The following LRRTM3 variants were observed in gnomAD, a reference collection of about 807,000 sequenced individuals.
LRRTM3 encodes the protein leucine-rich repeat transmembrane neuronal protein 3.
Under a neutral mutation model 44.7 loss-of-function variants are expected in LRRTM3, and 24 were observed. That is an observed-to-expected ratio of 0.54 (90% CI 0.39 to 0.76). The LOEUF is 0.76. Among genes scored for constraint, LRRTM3 ranks in the 30% least tolerant of loss-of-function variants. The probability of loss-of-function intolerance (pLI) is 0.00; values close to 1 mark genes in which losing one functional copy is unlikely to be tolerated. For synonymous variants in LRRTM3, 277 were observed against 278.7 expected (o/e 0.99, Z 0.06); for missense variants, 587 against 702.2 (o/e 0.84, Z 1.85).
intron 2 of LRRTM3, among the ~76,000 whole-genome samples, chr10:67,036,094 AC>A (rs1417231102): frequency 2.0e-5 from 3 of 152,150 alleles, no homozygotes; most frequent in Non-Finnish European, 4.4e-5. Context: ...GAGATATTAG[AC>A]CTTAGTAGAG....
At chr10:66,985,778 A>G (rs11597951) in intron 2 of LRRTM3, among the ~76,000 whole-genome samples, 2,109 of 152,248 alleles carry the variant, frequency 0.014, 20 homozygotes, top group Middle Eastern at 0.027. Context: ...ACCATGCTGG[A>G]GTGCAGTACC....
intron 2 of LRRTM3, among the ~76,000 whole-genome samples, chr10:67,030,671 T>C (rs564633100): frequency 9.2e-5 from 14 of 152,242 alleles, no homozygotes; most frequent in Admixed American, 9.2e-4. Flanking sequence ...TCCATAGAGA[T>C]AATGAAGCTG....
intron 2 of LRRTM3, among the ~76,000 whole-genome samples, chr10:67,076,289 G>A (rs1323014382): frequency 6.6e-6 from 1 of 152,184 alleles, no homozygotes. Context: ...AGGCTAAAAT[G>A]AACTTCAGAG....
At chr10:67,020,826 G>A (rs1439200780) in intron 2 of LRRTM3, among the ~76,000 whole-genome samples, 3 of 152,170 alleles carry the variant, frequency 2.0e-5, no homozygotes, top group Non-Finnish European at 2.9e-5. Context: ...TAGTAGGGTT[G>A]GAACAGAGGG....
intron 2 of LRRTM3, among the ~76,000 whole-genome samples, chr10:67,046,891 C>T (rs1035326429): frequency 6.6e-6 from 1 of 152,128 alleles, no homozygotes; most frequent in African/African-American, 2.4e-5. Context: ...TGGGCACTGC[C>T]TTCCTTTTAC....
intron 2 of LRRTM3, among the ~76,000 whole-genome samples, chr10:67,055,376 A>T (rs1395191344): frequency 3.9e-5 from 6 of 152,216 alleles, no homozygotes; most frequent in Non-Finnish European, 7.3e-5. Flanking sequence ...GTCAAACTAT[A>T]GACACAGAAA....
At chr10:67,026,023 C>G (rs542115601) in intron 2 of LRRTM3, among the ~76,000 whole-genome samples, 1 of 150,842 alleles carries the variant, frequency 6.6e-6, no homozygotes, top group East Asian at 2.0e-4. Context: ...AAACCAAACA[C>G]CGCATGTTCT....
At chr10:66,938,273 T>A (rs1847822510) in intron 2 of LRRTM3, among the ~76,000 whole-genome samples, 2 of 151,978 alleles carry the variant, frequency 1.3e-5, no homozygotes, top group Non-Finnish European at 2.9e-5. Context: ...AATGTGAGGG[T>A]CAAGAGAACA....
At chr10:66,972,929 A>C (rs1312457027) in intron 2 of LRRTM3, among the ~76,000 whole-genome samples, 1 of 152,022 alleles carries the variant, frequency 6.6e-6, no homozygotes, top group Non-Finnish European at 1.5e-5. Flanking sequence ...CAAGTTTCAT[A>C]GATTAAAAAG....
At chr10:67,008,316 A>G (rs1437121112) in intron 2 of LRRTM3, among the ~76,000 whole-genome samples, 2 of 152,130 alleles carry the variant, frequency 1.3e-5, no homozygotes, top group African/African-American at 2.4e-5. Flanking sequence ...TTATTCAATA[A>G]CCATAGTGCT....
chr10:67,055,832 C>T (rs566924315), intron 2 of LRRTM3, among the ~76,000 whole-genome samples: 2 of 152,230 alleles, frequency 1.3e-5, no homozygotes, highest in South Asian at 2.1e-4. Context: ...ACCTCCATAT[C>T]CCTAATGATA....
intron 2 of LRRTM3, among the ~76,000 whole-genome samples, chr10:66,934,048 G>A (rs1358055425): frequency 1.3e-5 from 2 of 152,014 alleles, no homozygotes; most frequent in East Asian, 3.9e-4. Flanking sequence ...CTGAACACGT[G>A]AGGAAAATTC....
chr10:67,045,618 G>T (rs886972825), intron 2 of LRRTM3, among the ~76,000 whole-genome samples: 1 of 152,082 alleles, frequency 6.6e-6, no homozygotes, highest in Non-Finnish European at 1.5e-5. Context: ...CTGCCTTTGC[G>T]GCCAGACCCC....
intron 2 of LRRTM3, among the ~76,000 whole-genome samples, chr10:66,932,395 A>G (rs1487519904): frequency 6.6e-6 from 1 of 152,188 alleles, no homozygotes; most frequent in African/African-American, 2.4e-5. Context: ...GCCTGAGATA[A>G]AGTGAGTTCC....
Position 67,034,917 on chromosome 10 carries a change from C to T in LRRTM3, c.1537-62670C>T, listed in dbSNP as rs571849491. Among the ~76,000 whole-genome samples the T allele has an allele frequency of 3.6e-4, 55 of 152,310 alleles. No individual in the cohort carries two copies. In the Middle Eastern group the frequency reaches 0.014, roughly 38 times the overall value. Reference sequence around the variant, plus strand: ...CATGTTGACATATCTCTTGGCAATGCTATTTCTTCTGGCCTTCTTACTGCC... The same window carrying T: ...CATGTTGACATATCTCTTGGCAATGTTATTTCTTCTGGCCTTCTTACTGCC... On this transcript the variant is annotated intron_variant, in intron 2 of 2. Transcript: ENST00000361320.
At chr10:67,037,516 A>G (rs1371240648) in intron 2 of LRRTM3, among the ~76,000 whole-genome samples, 1 of 152,160 alleles carries the variant, frequency 6.6e-6, no homozygotes, top group Non-Finnish European at 1.5e-5. Flanking sequence ...TAGGTAGAGG[A>G]GTGATCATCA....
chr10:67,087,258 C>A (rs184486729), intron 2 of LRRTM3, among the ~76,000 whole-genome samples: 81 of 152,054 alleles, frequency 5.3e-4, no homozygotes, highest in Middle Eastern at 6.8e-3. Context: ...ACAGAAGGGT[C>A]CAGGGAAGAG....
intron 2 of LRRTM3, among the ~76,000 whole-genome samples, chr10:67,060,947 C>G (rs753038309): frequency 3.9e-5 from 6 of 152,062 alleles, no homozygotes; most frequent in Admixed American, 3.3e-4. Context: ...CAAACTAAAG[C>G]TGTGTGAATG....
At chr10:67,023,561 A>G (rs7095449) in intron 2 of LRRTM3, among the ~76,000 whole-genome samples, 2 of 152,176 alleles carry the variant, frequency 1.3e-5, no homozygotes, top group African/African-American at 4.8e-5. Context: ...CTCATACCCA[A>G]GCAAAGTCTA....
Sources: gnomAD v4.1 joint callset for allele counts (sites outside exome capture counted in the v4.1 genomes callset) on GRCh38, gnomAD v4.1.1 for gene constraint, MANE v1.5 for transcripts, NCBI Gene and HGNC (gene_info 2026-07-23, HGNC 2026-07-21) for gene names.